Variants in CHIC1 observed in about 807,000 individuals in gnomAD.
CHIC1 encodes cysteine-rich hydrophobic domain-containing protein 1.
In CHIC1, 7 loss-of-function variants were observed where a neutral mutation model predicts 18.5. The ratio of observed to expected loss-of-function variants is 0.38; its 90% CI spans 0.22 to 0.71. The LOEUF (loss-of-function observed/expected upper bound fraction) is 0.71. CHIC1 is among the 30% of genes least tolerant of loss of function. The pLI is 0.49. For missense variants in CHIC1, 159 were observed against 176.9 expected, an observed-to-expected ratio of 0.90 and a Z score of 0.57; for synonymous variants, 77 against 73.5, an observed-to-expected ratio of 1.05 and a Z score of -0.25.
intron 2 of CHIC1, among the ~76,000 whole-genome samples, chrX:73,581,167 C>T (rs778958840): frequency 9.0e-6 from 1 of 110,592 alleles, no homozygotes; most frequent in East Asian, 2.9e-4. Flanking sequence ...TATTGTGTTA[C>T]AGTATGACAG....
At chrX:73,624,417 A>G (rs992106623) in intron 3 of CHIC1, among the ~76,000 whole-genome samples, 2 of 111,733 alleles carry the variant, frequency 1.8e-5, no homozygotes, top group Non-Finnish European at 3.8e-5. Context: ...AAATTTTTTT[A>G]ATCTCTTATT....
At position 73,571,247 on chromosome X, in the gene CHIC1, C is replaced by G. The variant is rs764891292; in HGVS notation, c.297-6160C>G. On this transcript the variant is annotated intron_variant, in intron 1 of 5. Transcript: ENST00000373502. ...CAGCAATTGCTAATCAAGGTAGGAA[C>G]ATGTTACTGTTGTTGCATTTATAAG... 1.1e-4 allele frequency among the ~76,000 whole-genome samples: 12 copies of G among 110,177 alleles called. 1 individual carries two copies. The South Asian group carries it at 4.6e-3, about 42-fold the overall frequency.
intron 3 of CHIC1, among the ~76,000 whole-genome samples, chrX:73,591,275 T>C (rs964495416): frequency 3.6e-5 from 4 of 110,864 alleles, no homozygotes; most frequent in African/African-American, 1.3e-4. Flanking sequence ...CCCCCCTTTT[T>C]TTAATGACAT....
intron 3 of CHIC1, among the ~76,000 whole-genome samples, chrX:73,621,357 T>C (rs1380860328): frequency 1.8e-5 from 2 of 112,277 alleles, no homozygotes; most frequent in East Asian, 5.6e-4. Context: ...CATTTTTTGG[T>C]GTCCTCTCTT....
intron 3 of CHIC1, among the ~76,000 whole-genome samples, chrX:73,641,768 G>A (rs140922596): frequency 5.5e-5 from 6 of 109,847 alleles, no homozygotes; most frequent in African/African-American, 1.0e-4. Flanking sequence ...AATATGTGGT[G>A]TTTGGTTTTT....
chrX:73,653,580 CTCTT>C (rs1312501314), intron 3 of CHIC1, among the ~76,000 whole-genome samples: 6 of 111,720 alleles, frequency 5.4e-5, no homozygotes, highest in African/African-American at 2.0e-4. Flanking sequence ...TAATTATTTT[CTCTT>C]TCTATGAAGA....
At chrX:73,651,493 C>G (rs1304792184) in intron 3 of CHIC1, among the ~76,000 whole-genome samples, 1 of 111,020 alleles carries the variant, frequency 9.0e-6, no homozygotes, top group Non-Finnish European at 1.9e-5. Context: ...TTGTCTCAGC[C>G]ACAAAACTTC....
In CHIC1 at chrX:73,632,944, A is replaced by G. The variant is rs772937994; in HGVS notation, c.508-46382A>G. Among the ~76,000 whole-genome samples the G allele has an allele frequency of 1.6e-3, 174 of 106,140 alleles. 1 individual carries two copies. Among genetic ancestry groups the G allele is most frequent in the Non-Finnish European group, 1.7e-3 (89 of 51,613 alleles). 92.2% of individuals were successfully genotyped at this position (106,140 alleles called of 115,157 possible). ...CCACCACGCCCAGCTAATTTTTTGT[A>G]TTTTTAGTTGAGATGGGGTTTCACC... On this transcript the variant is annotated intron_variant, in intron 3 of 5. Coordinates refer to ENST00000373502, the MANE Select transcript of CHIC1 (RefSeq NM_001039840.4).
In CHIC1 at chrX:73,685,730, C is replaced by A. The variant is rs1227628908; in HGVS notation, c.*4725C>A. 1 of 111,798 alleles carries A rather than the reference C, an allele frequency of 8.9e-6. No homozygotes were observed. The highest frequency in any genetic ancestry group is 1.9e-5 in the Non-Finnish European group (1 of 52,953). The allele number at this position is 111,798 out of a possible 1,213,427, so 9.2% of individuals were successfully genotyped here. A position where few individuals can be genotyped will look rare whatever the true frequency, so the allele number is the denominator to read the frequency against. On this transcript the variant is annotated 3_prime_UTR_variant, in exon 6 of 6. Coordinates refer to ENST00000373502, the MANE Select transcript of CHIC1 (RefSeq NM_001039840.4). ...ACTGGATATCATAATTATATAATTT[C>A]TAAATAGATTTCTTTAAATCCATGC... is the stretch of plus-strand genomic sequence containing the variant.
chrX:73,599,690 A>G (rs1233499127), intron 3 of CHIC1, among the ~76,000 whole-genome samples: 3 of 104,091 alleles, frequency 2.9e-5, no homozygotes, highest in Non-Finnish European at 3.8e-5. Context: ...CCATTGATCT[A>G]TATCTCTGTT....
At chrX:73,631,084 A>G (rs781700628) in intron 3 of CHIC1, among the ~76,000 whole-genome samples, 1 of 111,237 alleles carries the variant, frequency 9.0e-6, no homozygotes, top group Non-Finnish European at 1.9e-5. Flanking sequence ...CTCTGTTATC[A>G]GTTGTAATGG....
chrX:73,649,563 C>G (rs2057905517), intron 3 of CHIC1, among the ~76,000 whole-genome samples: 2 of 111,239 alleles, frequency 1.8e-5, no homozygotes, highest in Non-Finnish European at 3.8e-5. Flanking sequence ...ATAAAACAAA[C>G]TTCCCAACAA....
At chrX:73,575,465 A>G (rs2057492734) in intron 1 of CHIC1, among the ~76,000 whole-genome samples, 1 of 110,312 alleles carries the variant, frequency 9.1e-6, no homozygotes, top group African/African-American at 3.3e-5. Flanking sequence ...CCTAGATGGT[A>G]TAGCCTAGTA....
chrX:73,569,965 A>T (rs1462571189), intron 1 of CHIC1, among the ~76,000 whole-genome samples: 1 of 111,593 alleles, frequency 9.0e-6, no homozygotes, highest in African/African-American at 3.2e-5. Context: ...TAGAAAAGGA[A>T]ATCCCTTTAT....
Position 73,679,723 on chromosome X carries a change from A to C in CHIC1, c.624+10A>C. 1.0e-6 allele frequency: 1 copy of C among 986,045 alleles called. No individual in the cohort carries two copies. The highest frequency in any genetic ancestry group is 1.3e-6 in the Non-Finnish European group (1 of 740,767). 81.3% of individuals were successfully genotyped at this position (986,045 alleles called of 1,213,427 possible). A position where few individuals can be genotyped will look rare whatever the true frequency, so the allele number is the denominator to read the frequency against. ...CAATATGATGGAGTATGTAAGTATG[A>C]GGTTGTTTTTAATTATTTTTTTATT... is the stretch of plus-strand genomic sequence containing the variant. On this transcript the variant is annotated intron_variant, in intron 5 of 5. Coordinates refer to ENST00000373502, the MANE Select transcript of CHIC1 (RefSeq NM_001039840.4).
chrX:73,659,766 G>A (rs937172747), intron 3 of CHIC1, among the ~76,000 whole-genome samples: 4 of 111,251 alleles, frequency 3.6e-5, no homozygotes, highest in African/African-American at 1.3e-4. Context: ...GTGTAATTGT[G>A]ACTGGAATTA....
At chrX:73,674,317 C>T (rs1025971697) in intron 3 of CHIC1, among the ~76,000 whole-genome samples, 4 of 111,936 alleles carry the variant, frequency 3.6e-5, no homozygotes, top group African/African-American at 1.3e-4. Context: ...GGTACCAGCT[C>T]CTCTTTCTAC....
At chrX:73,612,633 A>G (rs1371177346) in intron 3 of CHIC1, among the ~76,000 whole-genome samples, 1 of 111,521 alleles carries the variant, frequency 9.0e-6, no homozygotes, top group East Asian at 2.8e-4. Context: ...TCCTCTTGTT[A>G]TTGATATCTA....
At position 73,683,262 on chromosome X, in the gene CHIC1, C is replaced by T. The variant is rs1044319385; in HGVS notation, c.*2257C>T. 1 of 111,498 alleles carries T rather than the reference C, an allele frequency of 9.0e-6. No homozygotes were observed. Among genetic ancestry groups the T allele is most frequent in the African/African-American group, 3.2e-5 (1 of 30,817 alleles). The allele number at this position is 111,498 out of a possible 1,213,427, so 9.2% of individuals were successfully genotyped here. Reference sequence around the variant, plus strand: ...AATTTTAAAGCCTATTCTAATCACTCGAGTTTATTATTTTATTGTTCGCTA... The same window carrying T: ...AATTTTAAAGCCTATTCTAATCACTTGAGTTTATTATTTTATTGTTCGCTA... On this transcript the variant is annotated 3_prime_UTR_variant, in exon 6 of 6. Transcript: ENST00000373502.
Sources: allele counts gnomAD v4.1 joint callset (sites outside exome capture counted in the v4.1 genomes callset), GRCh38; gene constraint gnomAD v4.1.1; transcripts MANE v1.5; gene names NCBI Gene and HGNC (gene_info 2026-07-23, HGNC 2026-07-21).